Variants in ADAMTSL1 observed in about 807,000 individuals in gnomAD.
ADAMTSL1 encodes ADAMTS-like protein 1.
A neutral mutation model predicts 201.8 loss-of-function variants in ADAMTSL1; 126 were observed. The ratio of observed to expected loss-of-function variants is 0.62; its 90% confidence interval spans 0.54 to 0.72. The LOEUF is 0.72. ADAMTSL1 is among the 30% of genes least tolerant of loss of function. ADAMTSL1 has a pLI of 0.00. For synonymous variants in ADAMTSL1, 1,121 were observed against 903.4 expected, an observed-to-expected ratio of 1.24 and a Z score of -4.32; for missense variants, 2,679 against 2,277.8, an observed-to-expected ratio of 1.18 and a Z score of -3.59.
intron 1 of ADAMTSL1, among the ~76,000 whole-genome samples, chr9:18,027,735 T>A (rs1814991808): frequency 6.6e-6 from 1 of 152,102 alleles, no homozygotes; most frequent in African/African-American, 2.4e-5. Flanking sequence ...TAGGTGAAAT[T>A]GGTCAAGTAT....
chr9:18,811,968 GATAA>G (rs1823533612), intron 20 of ADAMTSL1, among the ~76,000 whole-genome samples: 1 of 152,012 alleles, frequency 6.6e-6, no homozygotes, highest in African/African-American at 2.4e-5. Flanking sequence ...AATTAAAGAA[GATAA>G]ATAGACATAT....
chr9:18,418,532 T>G (rs1818795005), intron 2 of ADAMTSL1, among the ~76,000 whole-genome samples: 1 of 152,146 alleles, frequency 6.6e-6, no homozygotes. Context: ...GGATACAAGA[T>G]GATTGGACAA....
intron 1 of ADAMTSL1, among the ~76,000 whole-genome samples, chr9:17,925,602 A>G (rs1164926890): frequency 1.6e-5 from 2 of 126,466 alleles, no homozygotes; most frequent in Non-Finnish European, 3.4e-5. Context: ...AACTATCGCA[A>G]GAACAAAAAA....
chr9:18,374,100 T>C (rs751958217), intron 2 of ADAMTSL1, among the ~76,000 whole-genome samples: 8 of 152,146 alleles, frequency 5.3e-5, no homozygotes, highest in Admixed American at 2.0e-4. Context: ...TGGACTTGTG[T>C]ATGGCCTGGG....
chr9:18,421,656 A>C (rs1401531653), intron 2 of ADAMTSL1, among the ~76,000 whole-genome samples: 1 of 152,228 alleles, frequency 6.6e-6, no homozygotes, highest in Non-Finnish European at 1.5e-5. Flanking sequence ...AAGTAAATAG[A>C]CACCAGAAAC....
At chr9:17,993,724 T>C (rs1819258144) in intron 1 of ADAMTSL1, among the ~76,000 whole-genome samples, 1 of 152,228 alleles carries the variant, frequency 6.6e-6, no homozygotes, top group South Asian at 2.1e-4. Flanking sequence ...CATTTGGATG[T>C]TGACTTTTGT....
At chr9:18,528,653 T>G (rs7031043) in intron 2 of ADAMTSL1, among the ~76,000 whole-genome samples, 12,733 of 152,230 alleles carry the variant, frequency 0.084, 995 homozygotes, top group African/African-American at 0.21. Flanking sequence ...TTGTGAATAG[T>G]GCTAGAAGAA....
intron 26 of ADAMTSL1, among the ~76,000 whole-genome samples, chr9:18,897,415 G>C (rs1829713475): frequency 6.6e-6 from 1 of 152,066 alleles, no homozygotes; most frequent in Non-Finnish European, 1.5e-5. Flanking sequence ...CTCCTGACTG[G>C]GTGAGACCTC....
chr9:18,359,934 A>G (rs1836442966), intron 2 of ADAMTSL1, among the ~76,000 whole-genome samples: 1 of 151,164 alleles, frequency 6.6e-6, no homozygotes. Context: ...TCTGAGCCTC[A>G]TCAGTGTCCT....
chr9:18,162,835 A>G (rs1382865638), intron 1 of ADAMTSL1, among the ~76,000 whole-genome samples: 5 of 152,118 alleles, frequency 3.3e-5, no homozygotes, highest in East Asian at 1.9e-4. Flanking sequence ...AAAGAATTTC[A>G]TGTGCTAGAA....
intron 1 of ADAMTSL1, among the ~76,000 whole-genome samples, chr9:18,149,567 CCCTAACCCAGACCTCCTGA>C (rs1826817934): frequency 6.6e-6 from 1 of 151,948 alleles, no homozygotes; most frequent in South Asian, 2.1e-4. Flanking sequence ...TCATCTCAGG[CCCTAACCCAGACCTCCTGA>C]GTGAGAACTG....
intron 2 of ADAMTSL1, among the ~76,000 whole-genome samples, chr9:18,220,869 G>A (rs1830232140): frequency 1.3e-5 from 2 of 151,708 alleles, no homozygotes; most frequent in Non-Finnish European, 2.9e-5. Context: ...CGGCTTCCCA[G>A]GCTCAAGTTA....
chr9:18,548,854 T>G (rs565453968), intron 3 of ADAMTSL1, among the ~76,000 whole-genome samples: 3 of 152,010 alleles, frequency 2.0e-5, no homozygotes, highest in Non-Finnish European at 4.4e-5. Flanking sequence ...AAAAATCTAG[T>G]AATTGAAATA....
chr9:18,011,379 C>G (rs1447367924), intron 1 of ADAMTSL1, among the ~76,000 whole-genome samples: 1 of 152,090 alleles, frequency 6.6e-6, no homozygotes, highest in African/African-American at 2.4e-5. Flanking sequence ...GACAGGCAAA[C>G]AAATCTTACA....
chr9:18,476,370 T>C (rs893768449), intron 1 of ADAMTSL1, among the ~76,000 whole-genome samples: 13 of 152,292 alleles, frequency 8.5e-5, no homozygotes, highest in African/African-American at 3.1e-4. Context: ...GTTTGCTTCG[T>C]ATGGTGGTTG....
intron 1 of ADAMTSL1, among the ~76,000 whole-genome samples, chr9:18,491,395 G>A (rs569142342): frequency 9.9e-5 from 15 of 152,186 alleles, no homozygotes; most frequent in Admixed American, 3.3e-4. Context: ...AAACAACATC[G>A]ATGTGGAAGG....
chr9:18,408,681 A>G (rs1446934253), intron 2 of ADAMTSL1, among the ~76,000 whole-genome samples: 1 of 152,232 alleles, frequency 6.6e-6, no homozygotes, highest in East Asian at 1.9e-4. Flanking sequence ...CTCATTCTAG[A>G]TATGAAATCT....
chr9:17,970,794 C>T (rs1032062361), intron 1 of ADAMTSL1, among the ~76,000 whole-genome samples: 2 of 152,122 alleles, frequency 1.3e-5, no homozygotes, highest in African/African-American at 2.4e-5. Context: ...TACTTGGTCT[C>T]TTCCTCTGGC....
At chr9:18,064,317 A>G (rs1018033271) in intron 1 of ADAMTSL1, among the ~76,000 whole-genome samples, 2 of 152,164 alleles carry the variant, frequency 1.3e-5, no homozygotes, top group Admixed American at 1.3e-4. Flanking sequence ...TCCATCTCGG[A>G]TGATTCTCAG....
Sources: allele counts gnomAD v4.1 joint callset (sites outside exome capture counted in the v4.1 genomes callset), GRCh38; gene constraint gnomAD v4.1.1; transcripts MANE v1.5; gene names NCBI Gene and HGNC (gene_info 2026-07-23, HGNC 2026-07-21).